Variants in UGT1A10 observed in about 807,000 individuals in gnomAD.
UGT1A10 encodes UDP-glucuronosyltransferase 1A10.
A neutral mutation model predicts 45.8 loss-of-function variants in UGT1A10; 49 were observed. The ratio of observed to expected loss-of-function variants is 1.07; its 90% CI spans 0.85 to 1.36. The LOEUF (loss-of-function observed/expected upper bound fraction) is 1.36, where lower values mean the gene tolerates loss of function less well. UGT1A10 is among the 40% of genes most tolerant of loss of function. UGT1A10 has a pLI of 0.00. For synonymous variants in UGT1A10, 284 were observed against 249.7 expected (o/e 1.14, Z -1.29); for missense variants, 745 against 668.6 (o/e 1.11, Z -1.26).
chr2:233,645,717 T>C (rs2073583295), intron 1 of UGT1A10, among the ~76,000 whole-genome samples: 1 of 152,220 alleles, frequency 6.6e-6, no homozygotes, highest in Admixed American at 6.5e-5. Flanking sequence ...TCCCATGGTC[T>C]TAGGCAGCTC....
chr2:233,695,124 T>C (rs897495873), intron 1 of UGT1A10, among the ~76,000 whole-genome samples: 33 of 116,872 alleles, frequency 2.8e-4, no homozygotes, highest in African/African-American at 1.1e-3. Context: ...CCAACCCTTT[T>C]CTTTTCTTTT....
rs77410236 is a variant in UGT1A10 at position 233,676,622 on chromosome 2, C to T, written c.855+39245C>T. On this transcript the variant is annotated intron_variant, in intron 1 of 4. Transcript: ENST00000344644. ...CTCCTTTGTCTCCTCCAGCCTGTGACGGTTTCTCAGACTCTCCTTGTTTTT... is the reference window on the plus strand; with the variant it reads ...CTCCTTTGTCTCCTCCAGCCTGTGATGGTTTCTCAGACTCTCCTTGTTTTT... 4.9e-3 allele frequency among the ~76,000 whole-genome samples: 741 copies of T among 152,262 alleles called. 21 individuals carry two copies. In the East Asian group the frequency reaches 0.076, roughly 16 times the overall value.
At chr2:233,767,542 T>C (rs1158948915) in intron 2 of UGT1A10, among the ~76,000 whole-genome samples, 1 of 152,274 alleles carries the variant, frequency 6.6e-6, no homozygotes, top group African/African-American at 2.4e-5. Context: ...TTTCTGCTCT[T>C]ATAGTTCTGC....
chr2:233,719,216 G>A (rs767651988), intron 1 of UGT1A10: 7 of 1,614,090 alleles, frequency 4.3e-6, no homozygotes, highest in East Asian at 4.5e-5. Context: ...TGGAGCTACT[G>A]CATAATGAGG....
intron 1 of UGT1A10, among the ~76,000 whole-genome samples, chr2:233,658,497 G>T (rs192224582): frequency 1.9e-4 from 29 of 152,032 alleles, no homozygotes; most frequent in Admixed American, 1.8e-3. Context: ...AGCCCATCAC[G>T]CCCCCTTCAT....
intron 1 of UGT1A10, among the ~76,000 whole-genome samples, chr2:233,727,137 A>T (rs1221662096): frequency 6.6e-6 from 1 of 152,174 alleles, no homozygotes; most frequent in Non-Finnish European, 1.5e-5. Context: ...GGGGAACAAG[A>T]CCACACAGGT....
intron 1 of UGT1A10, among the ~76,000 whole-genome samples, chr2:233,655,758 C>A (rs2924451): frequency 0.76 from 115,063 of 151,434 alleles, 43,816 homozygotes; most frequent in Non-Finnish European, 0.8. Flanking sequence ...TTCACAGAGC[C>A]CCATCCCTGC....
At chr2:233,680,905 A>G (rs1209365147) in intron 1 of UGT1A10, among the ~76,000 whole-genome samples, 2 of 152,054 alleles carry the variant, frequency 1.3e-5, no homozygotes, top group Admixed American at 1.3e-4. Flanking sequence ...ACTGCAGACA[A>G]TGTATCTGAG....
chr2:233,658,787 G>A (rs1423940343), intron 1 of UGT1A10, among the ~76,000 whole-genome samples: 1 of 152,160 alleles, frequency 6.6e-6, no homozygotes, highest in Non-Finnish European at 1.5e-5. Flanking sequence ...TGTTCATACT[G>A]CTAAACATCT....
intron 1 of UGT1A10, among the ~76,000 whole-genome samples, chr2:233,752,866 C>G (rs1227879768): frequency 6.6e-6 from 1 of 152,186 alleles, no homozygotes; most frequent in Non-Finnish European, 1.5e-5. Context: ...TTTGTGTTAG[C>G]TTTCAACTGT....
At chr2:233,680,412 A>T (rs781618999) in intron 1 of UGT1A10, among the ~76,000 whole-genome samples, 1 of 152,200 alleles carries the variant, frequency 6.6e-6, no homozygotes, top group Admixed American at 6.5e-5. Flanking sequence ...CAACAAAATT[A>T]TTATAGTAGT....
intron 1 of UGT1A10, chr2:233,672,521 G>C: frequency 6.2e-7 from 1 of 1,613,872 alleles, no homozygotes; most frequent in African/African-American, 1.3e-5. Flanking sequence ...ATTCTCTTAG[G>C]GTTCTCAGAT....
At chr2:233,663,052 T>C (rs2074006795) in intron 1 of UGT1A10, among the ~76,000 whole-genome samples, 1 of 152,198 alleles carries the variant, frequency 6.6e-6, no homozygotes, top group Non-Finnish European at 1.5e-5. Context: ...TTCACATTGC[T>C]GTGCAACCAA....
intron 1 of UGT1A10, among the ~76,000 whole-genome samples, chr2:233,651,951 A>G (rs1274609462): frequency 1.3e-5 from 2 of 152,234 alleles, no homozygotes; most frequent in Non-Finnish European, 2.9e-5. Flanking sequence ...TAACCAAGAT[A>G]GCAGATCATC....
chr2:233,747,893 T>G (rs1693806794), intron 1 of UGT1A10: 1 of 1,613,576 alleles, frequency 6.2e-7, no homozygotes. Flanking sequence ...GCCATGCTCT[T>G]TCTGCTCCTT....
chr2:233,662,355 T>G (rs900986568), intron 1 of UGT1A10, among the ~76,000 whole-genome samples: 1 of 152,226 alleles, frequency 6.6e-6, no homozygotes, highest in Non-Finnish European at 1.5e-5. Context: ...GTTTTTCAAT[T>G]TGTTGCAAAT....
intron 1 of UGT1A10, among the ~76,000 whole-genome samples, chr2:233,724,260 C>G (rs1481062069): frequency 7.7e-6 from 1 of 129,912 alleles, no homozygotes; most frequent in African/African-American, 3.0e-5. Flanking sequence ...CCTCACCTCC[C>G]GGACGGGGCG....
intron 1 of UGT1A10, chr2:233,729,238 G>A: frequency 6.2e-7 from 1 of 1,614,214 alleles, no homozygotes; most frequent in Non-Finnish European, 8.5e-7. Flanking sequence ...GCCCATTGAT[G>A]GCAGCCACTG....
chr2:233,684,281 C>T (rs189905621), intron 1 of UGT1A10, among the ~76,000 whole-genome samples: 12 of 152,316 alleles, frequency 7.9e-5, no homozygotes, highest in African/African-American at 2.2e-4. Flanking sequence ...TGAAACATGA[C>T]TTTCAGCTCT....
Sources: gnomAD v4.1 joint callset for allele counts (sites outside exome capture counted in the v4.1 genomes callset) on GRCh38, gnomAD v4.1.1 for gene constraint, MANE v1.5 for transcripts, NCBI Gene and HGNC (gene_info 2026-07-23, HGNC 2026-07-21) for gene names.